Variants in GNAI1 observed in about 807,000 individuals in gnomAD.
GNAI1 encodes the protein guanine nucleotide-binding protein G(i) subunit alpha-1.
In GNAI1, 11 loss-of-function variants were observed where a neutral mutation model predicts 38.9. The ratio of observed to expected loss-of-function variants is 0.28; its 90% confidence interval spans 0.18 to 0.47. The LOEUF (loss-of-function observed/expected upper bound fraction) is 0.47, where lower values mean the gene tolerates loss of function less well. GNAI1 is among the 20% of genes least tolerant of loss of function. The pLI is 0.99. For synonymous variants in GNAI1, 166 were observed against 145.1 expected (o/e 1.14, Z -1.04); for missense variants, 317 against 436.9 (o/e 0.73, Z 2.45).
intron 1 of GNAI1, among the ~76,000 whole-genome samples, chr7:80,150,640 T>C (rs1210568840): frequency 6.6e-6 from 1 of 152,166 alleles, no homozygotes; most frequent in East Asian, 1.9e-4. Flanking sequence ...TACTGCAGTG[T>C]TTTAATTCTC....
rs1207336084 is a variant in GNAI1 at position 80,218,537 on chromosome 7, A to G, written c.*1044A>G. The G allele has an allele frequency of 6.6e-6, 1 of 152,140 alleles. No homozygotes were observed. The highest frequency in any genetic ancestry group is 2.4e-5 in the African/African-American group (1 of 41,444). 9.4% of individuals were successfully genotyped at this position (152,140 alleles called of 1,614,324 possible). On this transcript the variant is annotated 3_prime_UTR_variant, in exon 8 of 8. Transcript: ENST00000649796. ...GTCTCTTGTACCTAGCATACATGATAGCTCCTTGTTGGGAAGATAACAAGA... is the reference window on the plus strand; with the variant it reads ...GTCTCTTGTACCTAGCATACATGATGGCTCCTTGTTGGGAAGATAACAAGA...
At chr7:80,178,366 G>C (rs1477564110) in intron 1 of GNAI1, among the ~76,000 whole-genome samples, 3 of 152,142 alleles carry the variant, frequency 2.0e-5, no homozygotes, top group Middle Eastern at 3.2e-3. Flanking sequence ...TTTGAAAGAA[G>C]TTCTGCTGCG....
intron 1 of GNAI1, among the ~76,000 whole-genome samples, chr7:80,135,582 C>T (rs1453029791): frequency 6.8e-6 from 1 of 147,992 alleles, no homozygotes; most frequent in African/African-American, 2.5e-5. Context: ...CGTGGAAACC[C>T]TTTGCTTTGA....
intron 5 of GNAI1, among the ~76,000 whole-genome samples, 160 bp downstream of exon 5, chr7:80,203,992 G>T (rs1021672417): frequency 6.6e-5 from 10 of 152,034 alleles, no homozygotes; most frequent in African/African-American, 2.4e-4. Flanking sequence ...TTGGGAGAAA[G>T]AAGTCAAAAA....
chr7:80,214,752 G>C (rs1434358327), intron 7 of GNAI1, among the ~76,000 whole-genome samples: 2 of 152,118 alleles, frequency 1.3e-5, no homozygotes, highest in African/African-American at 2.4e-5. Flanking sequence ...TTTATCTCCT[G>C]TCTGTCTGCT....
At chr7:80,162,224 ATCTGAGACTTC>A (rs1270902847) in intron 1 of GNAI1, among the ~76,000 whole-genome samples, 2 of 152,238 alleles carry the variant, frequency 1.3e-5, no homozygotes, top group East Asian at 3.9e-4. Flanking sequence ...TGGCAATTTG[ATCTGAGACTTC>A]TAGTTTCCAG....
intron 7 of GNAI1, among the ~76,000 whole-genome samples, chr7:80,213,862 CAAG>C (rs1788915469): frequency 6.6e-6 from 1 of 151,352 alleles, no homozygotes; most frequent in South Asian, 2.1e-4. Context: ...TTAAAAGTCT[CAAG>C]AATTTGTTTT....
chr7:80,175,704 C>G (rs1788172818), intron 1 of GNAI1, among the ~76,000 whole-genome samples: 1 of 152,108 alleles, frequency 6.6e-6, no homozygotes, highest in African/African-American at 2.4e-5. Flanking sequence ...GATCTGGGAT[C>G]AGTGATCTTT....
intron 1 of GNAI1, among the ~76,000 whole-genome samples, chr7:80,159,894 G>A (rs1006639170): frequency 1.3e-5 from 2 of 151,930 alleles, no homozygotes; most frequent in Admixed American, 1.3e-4. Flanking sequence ...GATTGCGTGA[G>A]GATTAGAGAT....
intron 5 of GNAI1, among the ~76,000 whole-genome samples, chr7:80,207,236 T>A (rs549680929): frequency 1.3e-5 from 2 of 152,172 alleles, no homozygotes; most frequent in East Asian, 3.9e-4. Flanking sequence ...AAATATTAAA[T>A]CGATTATTTG....
At chr7:80,181,582 A>T (rs1167125116) in intron 1 of GNAI1, among the ~76,000 whole-genome samples, 2 of 152,202 alleles carry the variant, frequency 1.3e-5, no homozygotes, top group African/African-American at 4.8e-5. Context: ...CGAATGGTCT[A>T]TTTGACGGGC....
At chr7:80,191,142 C>A (rs916132884) in intron 3 of GNAI1, among the ~76,000 whole-genome samples, 2 of 151,902 alleles carry the variant, frequency 1.3e-5, no homozygotes, top group African/African-American at 4.8e-5. Context: ...AACTCATTCA[C>A]ACAAATGCCT....
intron 1 of GNAI1, among the ~76,000 whole-genome samples, chr7:80,143,925 C>CGTGTGTGTGTGTGTATGTGTGTGTGT (rs370293886): frequency 7.9e-6 from 1 of 126,760 alleles, no homozygotes; most frequent in Non-Finnish European, 1.7e-5. Context: ...TGTGTGTGCG[C>CGTGTGTGTGTGTGTATGTGTGTGTGT]GCGTGTGTGT....
chr7:80,204,283 T>G (rs1461336906), intron 5 of GNAI1, among the ~76,000 whole-genome samples: 1 of 152,056 alleles, frequency 6.6e-6, no homozygotes, highest in Non-Finnish European at 1.5e-5. Flanking sequence ...GGAACTTACC[T>G]TCCCTATGAA....
intron 1 of GNAI1, among the ~76,000 whole-genome samples, chr7:80,139,155 T>C (rs1367596695): frequency 6.6e-6 from 1 of 151,958 alleles, no homozygotes; most frequent in East Asian, 1.9e-4. Context: ...TTAGTTACTT[T>C]AGTAAGAAGC....
chr7:80,177,176 A>G (rs945308926), intron 1 of GNAI1, among the ~76,000 whole-genome samples: 6 of 151,104 alleles, frequency 4.0e-5, no homozygotes, highest in African/African-American at 1.2e-4. Flanking sequence ...GACTACAGGC[A>G]CCCACCACCA....
intron 4 of GNAI1, among the ~76,000 whole-genome samples, chr7:80,200,334 A>AAAAAAAAAAC (rs1788660382): frequency 1.3e-5 from 2 of 149,978 alleles, no homozygotes; most frequent in African/African-American, 4.9e-5. Context: ...CAAAAAAAAA[A>AAAAAAAAAAC]AAAAAAAAAA....
chr7:80,154,361 T>G (rs868270689), intron 1 of GNAI1, among the ~76,000 whole-genome samples: 1 of 152,234 alleles, frequency 6.6e-6, no homozygotes, highest in Non-Finnish European at 1.5e-5. Context: ...TGTGTGAATT[T>G]GGTGAATTTT....
rs1789061699 is a variant in GNAI1 at position 80,220,895 on chromosome 7, G to A, written c.*3402G>A. 6.6e-6 allele frequency among the ~76,000 whole-genome samples: 1 copy of A among 152,084 alleles called. No individual in the cohort carries two copies. Among genetic ancestry groups the A allele is most frequent in the African/African-American group, 2.4e-5 (1 of 41,402 alleles). On this transcript the variant is annotated 3_prime_UTR_variant, in exon 8 of 8. Transcript: ENST00000649796. Reference sequence around the variant, plus strand: ...CCCCACTCTGCCCTTGAGTTCCTCTGAGCCATAATAGTTTTTCAGATTTAA... The same window carrying A: ...CCCCACTCTGCCCTTGAGTTCCTCTAAGCCATAATAGTTTTTCAGATTTAA...
Sources: allele counts gnomAD v4.1 joint callset (sites outside exome capture counted in the v4.1 genomes callset), GRCh38; gene constraint gnomAD v4.1.1; transcripts MANE v1.5; gene names NCBI Gene and HGNC (gene_info 2026-07-23, HGNC 2026-07-21).